Variants in MUC5AC observed in about 807,000 individuals in gnomAD.
MUC5AC encodes mucin 5AC, oligomeric mucus/gel-forming.
MUC5AC carries 158 observed loss-of-function variants against 169.7 expected under a neutral mutation model. The observed-to-expected ratio is 0.93, with a 90% CI of 0.82 to 1.06. The LOEUF (loss-of-function observed/expected upper bound fraction) is 1.06, where lower values mean the gene tolerates loss of function less well. MUC5AC is among the 50% of genes least tolerant of loss of function. The pLI is 0.00. For synonymous variants in MUC5AC, 1,975 were observed against 1,237.0 expected, an observed-to-expected ratio of 1.60 and a Z score of -12.52; for missense variants, 4,359 against 3,089.9, an observed-to-expected ratio of 1.41 and a Z score of -9.74.
chr11:1,177,282 G>A lies in MUC5AC; in HGVS notation c.2845G>A (p.Glu949Lys), dbSNP rs1051083547. 11 of 452,536 alleles carry A rather than the reference G, an allele frequency of 2.4e-5. No individual in the cohort carries two copies. The highest frequency in any genetic ancestry group is 1.6e-4 in the East Asian group (5 of 31,570). The allele number at this position is 452,536 out of a possible 1,614,324, so 28.0% of individuals were successfully genotyped here. A position where few individuals can be genotyped will look rare whatever the true frequency, so the allele number is the denominator to read the frequency against. Reference sequence around the variant, plus strand: ...CCAGGACTCCTTTCGTGTTGTCACCGAGAACGTCCCCTGCGGCACCACAGG... The same window carrying A: ...CCAGGACTCCTTTCGTGTTGTCACCAAGAACGTCCCCTGCGGCACCACAGG... ...STQDSFRVVTENVPCGTTGTT... is the reference protein window; with the variant it reads ...STQDSFRVVTKNVPCGTTGTT... The change falls in exon 23 of 49, where the codon GAG becomes AAG. Residue 949 changes from glutamate to lysine, a missense_variant. Glu to Lys is a moderately conservative substitution (Grantham distance 56). Transcript: ENST00000621226.
intron 11 of MUC5AC, among the ~76,000 whole-genome samples, chr11:1,167,315 CAT>C (rs1261838090): frequency 2.7e-5 from 4 of 148,516 alleles, no homozygotes; most frequent in South Asian, 2.2e-4. Flanking sequence ...GCACTCAACA[CAT>C]AGTCTCCCCC....
intron 6 of MUC5AC, 32 bp from the exon 7 acceptor site, chr11:1,163,850 G>T: frequency 6.5e-7 from 1 of 1,540,324 alleles, no homozygotes; most frequent in Non-Finnish European, 8.8e-7. Context: ...ACCGGGACCT[G>T]CAGGCAGAGC....
chr11:1,199,469 C>T lies in MUC5AC; in HGVS notation c.16494C>T (p.Cys5498=), dbSNP rs1861367644. 2.8e-6 allele frequency: 2 copies of T among 719,672 alleles called. No homozygotes were observed. The highest frequency in any genetic ancestry group is 1.9e-5 in the Admixed American group (1 of 52,794). The allele number at this position is 719,672 out of a possible 1,614,324, so 44.6% of individuals were successfully genotyped here. A position where few individuals can be genotyped will look rare whatever the true frequency, so the allele number is the denominator to read the frequency against. ...TGGTGGTCACCACGAAGAAGGCGTG[C>T]CCCCCGCTCAGCTGTTCTCTGGTGA... ...GLVVVTTKKA[C]PPLSCSLDEA... is the part of the protein sequence containing the mutation. Residue 5498 remains cysteine (C), a synonymous_variant, in exon 46 of 49, where the codon TGC becomes TGT. Coordinates refer to ENST00000621226, the MANE Select transcript of MUC5AC (RefSeq NM_001304359.2).
chr11:1,179,898 T>C, intron 26 of MUC5AC, 124 bp from the exon 27 acceptor site: 1 of 397,390 alleles, frequency 2.5e-6, no homozygotes, highest in African/African-American at 2.1e-5. Flanking sequence ...CACCCTCCCC[T>C]GTCCCCATCT....
In MUC5AC at chr11:1,199,409, G is replaced by A. The variant is rs1322686159; in HGVS notation, c.16434G>A (p.Val5478=). 1.4e-6 allele frequency: 1 copy of A among 729,586 alleles called. No individual in the cohort carries two copies. The highest frequency in any genetic ancestry group is 1.8e-5 in the Admixed American group (1 of 54,244). The allele number at this position is 729,586 out of a possible 1,614,324, so 45.2% of individuals were successfully genotyped here. Residue 5478 remains valine, a synonymous_variant, in exon 46 of 49, where the codon GTG becomes GTA. Transcript: ENST00000621226. ...ETWSDAGNHC[V]THQCEKHQDG... ...GGTCAGACGCAGGGAACCACTGTGT[G>A]ACCCACCAGTGTGAGAAGCACCAGG...
At chr11:1,197,005 C>A in intron 40 of MUC5AC, 97 bp downstream of exon 40, 1 of 693,694 alleles carries the variant, frequency 1.4e-6, no homozygotes, top group Non-Finnish European at 2.6e-6. Context: ...AGGTGGGGCT[C>A]AGGGGTCGGG....
chr11:1,195,362 A>G, intron 36 of MUC5AC, 83 bp downstream of exon 36: 10 of 562,624 alleles, frequency 1.8e-5, no homozygotes, highest in South Asian at 1.4e-4. Context: ...GAAGAAGCGC[A>G]TTTTCAGGGG....
In MUC5AC at chr11:1,186,188, A is replaced by C. The variant is rs1860939512; in HGVS notation, c.8043A>C (p.Thr2681=). ...VPTTSTTSAS[T]TSTTSASTTS... ...CCACCAGCACAACTTCTGCTTCTAC[A>C]ACCAGCACAACCTCTGCTTCTACAA... Residue 2681 remains threonine (T), a synonymous_variant, in exon 31 of 49, where the codon ACA becomes ACC. Coordinates refer to ENST00000621226, the MANE Select transcript of MUC5AC (RefSeq NM_001304359.2). 2 of 742,104 alleles carry C rather than the reference A, an allele frequency of 2.7e-6. No individual in the cohort carries two copies. Among genetic ancestry groups the C allele is most frequent in the African/African-American group, 1.8e-5 (1 of 56,104 alleles). 46.0% of individuals were successfully genotyped at this position (742,104 alleles called of 1,614,324 possible).
rs1383388157 is a variant in MUC5AC, at chr11:1,189,536, C to A, written c.11391C>A (p.Thr3797=). ...PITSTISAPT[T]STTSTPQTST... is the part of the protein sequence containing the mutation. ...CCAGCACAATCTCTGCCCCTACAACCAGCACAACCTCCACTCCACAGACCA... is the reference window on the plus strand; with the variant it reads ...CCAGCACAATCTCTGCCCCTACAACAAGCACAACCTCCACTCCACAGACCA... Residue 3797 remains threonine (T), a synonymous_variant, in exon 31 of 49, where the codon ACC becomes ACA. Coordinates refer to ENST00000621226, the MANE Select transcript of MUC5AC (RefSeq NM_001304359.2). 5 of 597,578 alleles carry A rather than the reference C, an allele frequency of 8.4e-6. No homozygotes were observed. In the African/African-American group the frequency reaches 9.3e-5, roughly 11 times the overall value. The allele number at this position is 597,578 out of a possible 1,614,324, so 37.0% of individuals were successfully genotyped here. A position where few individuals can be genotyped will look rare whatever the true frequency, so the allele number is the denominator to read the frequency against.
Position 1,198,882 on chromosome 11 carries a change from C to G in MUC5AC, c.16182C>G (p.Ala5394=), listed in dbSNP as rs370723397. ...SINGTLYQPG[A]VVSSSLCETC... is the part of the protein sequence containing the mutation. ...GCCCTGGCTCTCCCCAGCCCGGCGC[C>G]GTGGTCTCCTCGAGCCTGTGCGAAA... Residue 5394 remains alanine (A), a synonymous_variant, in exon 44 of 49, where the codon GCC becomes GCG. Transcript: ENST00000621226. 7.1e-4 allele frequency: 528 copies of G among 746,830 alleles called. 2 individuals are homozygous for G. The African/African-American group carries it at 8.6e-3, about 12-fold the overall frequency. 46.3% of individuals were successfully genotyped at this position (746,830 alleles called of 1,614,324 possible). A position where few individuals can be genotyped will look rare whatever the true frequency, so the allele number is the denominator to read the frequency against.
chr11:1,189,378 A>G lies in MUC5AC; in HGVS notation c.11233A>G (p.Ile3745Val), dbSNP rs1861027235. The G allele has an allele frequency of 5.2e-6, 3 of 577,328 alleles. No homozygotes were observed. The highest frequency in any genetic ancestry group is 6.1e-6 in the Non-Finnish European group (2 of 326,188). 35.8% of individuals were successfully genotyped at this position (577,328 alleles called of 1,614,324 possible). The change falls in exon 31 of 49, where the codon ATC becomes GTC. Residue 3745 changes from isoleucine (I) to valine (V), a missense_variant. Physicochemically the swap from Ile to Val is conservative, Grantham distance 29. Transcript: ENST00000621226. ...STISAPTTST[I>V]SAPTTSTTSA... ...AATCTCTGCCCCTACAACCAGCACA[A>G]TCTCTGCCCCTACAACCAGCACAAC...
chr11:1,161,853 T>G (rs1590132584), intron 3 of MUC5AC, 54 bp from the exon 4 acceptor site: 1 of 1,565,394 alleles, frequency 6.4e-7, no homozygotes. Context: ...AGGCAGGGGG[T>G]GCAGGGCGAG....
In MUC5AC at chr11:1,194,241, G is replaced by A. The variant is rs752849348; in HGVS notation, c.14887G>A (p.Asp4963Asn). The A allele has an allele frequency of 1.6e-5, 12 of 764,690 alleles. No individual in the cohort carries two copies. The highest frequency in any genetic ancestry group is 2.6e-5 in the Non-Finnish European group (11 of 417,798). The allele number at this position is 764,690 out of a possible 1,614,324, so 47.4% of individuals were successfully genotyped here. ...PVYGHFRVLV[D>N]NYFCGAEDGL... Reference sequence around the variant, plus strand: ...GTATGGCCACTTCCGCGTGCTCGTCGACAACTACTTCTGCGGTGCGGAGGA... The same window carrying A: ...GTATGGCCACTTCCGCGTGCTCGTCAACAACTACTTCTGCGGTGCGGAGGA... Residue 4963 changes from aspartate to asparagine, a missense_variant, in exon 34 of 49, where the codon GAC becomes AAC. Transcript: ENST00000621226.
At position 1,191,841 on chromosome 11, in the gene MUC5AC, G is replaced by A. The variant is rs766757727; in HGVS notation, c.13696G>A (p.Gly4566Arg). 7.9e-6 allele frequency: 6 copies of A among 757,888 alleles called. No homozygotes were observed. Among genetic ancestry groups the A allele is most frequent in the Non-Finnish European group, 9.6e-6 (4 of 416,368 alleles). The allele number at this position is 757,888 out of a possible 1,614,324, so 46.9% of individuals were successfully genotyped here. A position where few individuals can be genotyped will look rare whatever the true frequency, so the allele number is the denominator to read the frequency against. Residue 4566 changes from glycine (G) to arginine (R), a missense_variant, in exon 31 of 49, where the codon GGA (glycine) becomes AGA (arginine). Gly to Arg is a moderately radical substitution (Grantham distance 125, BLOSUM62 -2). Transcript: ENST00000621226. Reference protein sequence around the residue: ...APTTSTTSGPGTTPSPVPTTS... With the variant: ...APTTSTTSGPRTTPSPVPTTS... ...TACAACTAGCACAACCTCTGGTCCTGGAACTACTCCCAGCCCTGTTCCCAC... is the reference window on the plus strand; with the variant it reads ...TACAACTAGCACAACCTCTGGTCCTAGAACTACTCCCAGCCCTGTTCCCAC...
rs1439024917 is a variant in MUC5AC at position 1,187,246 on chromosome 11, C to G, written c.9101C>G (p.Thr3034Ser). The G allele has an allele frequency of 1.7e-5, 12 of 699,444 alleles. No homozygotes were observed. The highest frequency in any genetic ancestry group is 1.6e-4 in the Admixed American group (8 of 48,698). The allele number at this position is 699,444 out of a possible 1,614,324, so 43.3% of individuals were successfully genotyped here. Residue 3034 changes from threonine to serine, a missense_variant, in exon 31 of 49, where the codon ACC becomes AGC. Transcript: ENST00000621226. Reference sequence around the variant, plus strand: ...ACCAGCACAACCTCTGCCCCTACAACCAGCACAACCTCTACCCCTACAAGC... The same window carrying G: ...ACCAGCACAACCTCTGCCCCTACAAGCAGCACAACCTCTACCCCTACAAGC... ...PTTSTTSAPT[T>S]STTSTPTSST...
chr11:1,195,711 A>G (rs1444049798), intron 36 of MUC5AC, among the ~76,000 whole-genome samples, 165 bp from the exon 37 acceptor site: 1 of 131,926 alleles, frequency 7.6e-6, no homozygotes, highest in African/African-American at 2.8e-5. Context: ...AGCACACAGA[A>G]TGTGTGGAAG....
rs1481247266 is a variant in MUC5AC at position 1,184,787 on chromosome 11, C to T, written c.6642C>T (p.Cys2214=). ...ACTACGAGGTGCGTGTGCTCTGCTG[C>T]GAGACCCCCAAAGGCTGCCCCGTGA... The part of the protein sequence containing the change: ...CLNYEVRVLC[C]ETPKGCPVTS... The change falls in exon 31 of 49, where the codon TGC becomes TGT. Residue 2214 remains cysteine, a synonymous_variant. Coordinates refer to ENST00000621226, the MANE Select transcript of MUC5AC (RefSeq NM_001304359.2). 142 of 653,418 alleles carry T rather than the reference C, an allele frequency of 2.2e-4. No individual in the cohort carries two copies. In the African/African-American group the frequency reaches 2.3e-3, roughly 10 times the overall value. 40.5% of individuals were successfully genotyped at this position (653,418 alleles called of 1,614,324 possible).
At position 1,176,591 on chromosome 11, in the gene MUC5AC, G is replaced by A. The variant is rs1031047600; in HGVS notation, c.2580G>A (p.Ala860=). 5.0e-5 allele frequency: 20 copies of A among 399,554 alleles called. No individual in the cohort carries two copies. The highest frequency in any genetic ancestry group is 7.9e-5 in the Non-Finnish European group (18 of 226,880). The allele number at this position is 399,554 out of a possible 1,614,324, so 24.8% of individuals were successfully genotyped here. Residue 860 remains alanine, a synonymous_variant, in exon 21 of 49, where the codon GCG becomes GCA. Coordinates refer to ENST00000621226, the MANE Select transcript of MUC5AC (RefSeq NM_001304359.2). ...VADGEGGCIT[A]EDCPCVHNEA... ...ACGGCGAGGGCGGCTGCATCACTGC[G>A]GAGGACTGCCCCTGCGTGCACAATG...
rs1335801922 is a variant in MUC5AC at position 1,183,768 on chromosome 11, C to A, written c.5623C>A (p.Gln1875Lys). Reference sequence around the variant, plus strand: ...AACAACCTCCAAGACCACTGAAACCCAGGCCTCAGGCTCCTCAGCCCCCAG... The same window carrying A: ...AACAACCTCCAAGACCACTGAAACCAAGGCCTCAGGCTCCTCAGCCCCCAG... ...PSTTSKTTETQASGSSAPSST... is the reference protein window; with the variant it reads ...PSTTSKTTETKASGSSAPSST... Residue 1875 changes from glutamine (Q) to lysine (K), a missense_variant, in exon 31 of 49, where the codon CAG becomes AAG. Gln to Lys is a moderately conservative substitution (Grantham distance 53, BLOSUM62 1). Transcript: ENST00000621226. 4.3e-6 allele frequency: 2 copies of A among 461,214 alleles called. No homozygotes were observed. Among genetic ancestry groups the A allele is most frequent in the African/African-American group, 2.0e-5 (1 of 49,484 alleles). 28.6% of individuals were successfully genotyped at this position (461,214 alleles called of 1,614,324 possible).
Sources: allele counts gnomAD v4.1 joint callset (sites outside exome capture counted in the v4.1 genomes callset), GRCh38; gene constraint gnomAD v4.1.1; transcripts MANE v1.5; gene names NCBI Gene and HGNC (gene_info 2026-07-23, HGNC 2026-07-21).